Variants in MACF1 observed in about 807,000 individuals in gnomAD.
The protein encoded by MACF1 is microtubule-actin cross-linking factor 1.
In MACF1, 193 loss-of-function variants were observed where a neutral mutation model predicts 854.8. The ratio of observed to expected loss-of-function variants is 0.23; its 90% CI spans 0.20 to 0.25. MACF1 has a LOEUF of 0.25. Ranked by LOEUF, MACF1 falls within the 10% of genes least tolerant of loss-of-function variation. MACF1 has a pLI of 1.00. For missense variants in MACF1, 7,722 were observed against 8,929.1 expected (o/e 0.86, Z 5.45); for synonymous variants, 3,185 against 3,226.7 (o/e 0.99, Z 0.44).
chr1:39,449,835 C>T (rs112440209), intron 84 of MACF1, among the ~76,000 whole-genome samples: 2 of 151,542 alleles, frequency 1.3e-5, no homozygotes, highest in East Asian at 3.9e-4. Flanking sequence ...AGACTATAGG[C>T]ATGTGCCACC....
intron 79 of MACF1, among the ~76,000 whole-genome samples, 171 bp from the exon 80 acceptor site, chr1:39,444,491 G>C (rs1284255129): frequency 6.6e-6 from 1 of 152,108 alleles, no homozygotes; most frequent in Non-Finnish European, 1.5e-5. Flanking sequence ...TTATTATTAA[G>C]TATGGTGGGT....
rs763236417 is a variant in MACF1 at position 39,428,013 on chromosome 1, A to G, written c.16529A>G (p.Lys5510Arg). The change falls in exon 63 of 101, where the codon AAA becomes AGA. Residue 5510 changes from lysine to arginine, a missense_variant. Around this residue, in one of 15 missense-constraint regions of MACF1, gnomAD observed 2,807 missense variants for 3,235.8 expected, o/e 0.87. Coordinates refer to ENST00000564288, the MANE Select transcript of MACF1 (RefSeq NM_001394062.1). Reference sequence around the variant, plus strand: ...GCAACAGATGTGCACCAGGCAGTCAAAATTGGGCAGTCCCTCTCCTCCCTG... The same window carrying G: ...GCAACAGATGTGCACCAGGCAGTCAGAATTGGGCAGTCCCTCTCCTCCCTG... ...NHATDVHQAVKIGQSLSSLTS... is the reference protein window; with the variant it reads ...NHATDVHQAVRIGQSLSSLTS... 1.9e-6 allele frequency: 3 copies of G among 1,614,222 alleles called. No homozygotes were observed. In the South Asian group the frequency reaches 3.3e-5, roughly 18 times the overall value.
intron 58 of MACF1, chr1:39,414,313 C>T (rs776643145): frequency 1.2e-6 from 2 of 1,614,034 alleles, no homozygotes; most frequent in East Asian, 2.2e-5. Flanking sequence ...TGACTCAGTG[C>T]CTATTTCAGA....
At position 39,357,731 on chromosome 1, in the gene MACF1, C is replaced by A; in HGVS notation, c.11781C>A (p.Val3927=). ...LKRQGSFSED[V]ISHKGDLRFV... is the part of the protein sequence containing the mutation. ...GGCAAGGAAGCTTCTCAGAGGATGT[C>A]ATTTCCCACAAAGGAGACTTGAGAT... is the stretch of plus-strand genomic sequence containing the variant. The change falls in exon 45 of 101, where the codon GTC becomes GTA. Residue 3927 remains valine (V), a synonymous_variant. Coordinates refer to ENST00000564288, the MANE Select transcript of MACF1 (RefSeq NM_001394062.1). 1 of 1,614,132 alleles carries A rather than the reference C, an allele frequency of 6.2e-7. No individual in the cohort carries two copies. The highest frequency in any genetic ancestry group is 2.2e-5 in the East Asian group (1 of 44,884).
chr1:39,111,486 C>A (rs1282508547), intron 2 of MACF1, among the ~76,000 whole-genome samples: 2 of 151,760 alleles, frequency 1.3e-5, no homozygotes, highest in East Asian at 1.9e-4. Flanking sequence ...AGGTTCATGC[C>A]ATTCTCCTGT....
intron 14 of MACF1, 151 bp downstream of exon 14, chr1:39,285,909 A>G (rs1456881202): frequency 9.8e-6 from 8 of 815,306 alleles, no homozygotes; most frequent in Middle Eastern, 3.8e-4. Flanking sequence ...CTTGGGCAGG[A>G]ATGTTTTGTC....
intron 2 of MACF1, among the ~76,000 whole-genome samples, chr1:39,170,616 A>G (rs1010236981): frequency 6.6e-6 from 1 of 152,276 alleles, no homozygotes; most frequent in Non-Finnish European, 1.5e-5. Context: ...AACGACTATT[A>G]TAGGAAAAAG....
chr1:39,140,740 C>A (rs1332131061), intron 2 of MACF1, among the ~76,000 whole-genome samples: 1 of 151,900 alleles, frequency 6.6e-6, no homozygotes, highest in Non-Finnish European at 1.5e-5. Flanking sequence ...CATGGTGAAA[C>A]CCCGTCTCTA....
intron 2 of MACF1, among the ~76,000 whole-genome samples, chr1:39,163,356 A>AAAAAG (rs1348176407): frequency 6.6e-6 from 1 of 150,548 alleles, no homozygotes; most frequent in Non-Finnish European, 1.5e-5. Flanking sequence ...AAAAAAAAAA[A>AAAAAG]AAAAGAAAAG....
rs1646787713 is a variant in MACF1, at chr1:39,335,051, T to A, written c.8463T>A (p.Ser2821=). The A allele has an allele frequency of 6.2e-7, 1 of 1,614,048 alleles. No individual in the cohort carries two copies. The highest frequency in any genetic ancestry group is 8.5e-7 in the Non-Finnish European group (1 of 1,179,990). The part of the protein sequence containing the change: ...SERLFQVENQ[S]AQEKVKVRVS... ...GATTATTTCAAGTTGAAAATCAGTC[T>A]GCACAAGAAAAGGTTAAAGTGAGAG... The change falls in exon 37 of 101, where the codon TCT becomes TCA. Residue 2821 remains serine, a synonymous_variant. Coordinates refer to ENST00000564288, the MANE Select transcript of MACF1 (RefSeq NM_001394062.1).
intron 58 of MACF1, chr1:39,411,547 C>T: frequency 6.2e-7 from 1 of 1,613,784 alleles, no homozygotes. Flanking sequence ...TGAGGATATT[C>T]TCGGTGAGGT....
At chr1:39,261,848 A>C (rs1406852663) in intron 6 of MACF1, among the ~76,000 whole-genome samples, 1 of 152,194 alleles carries the variant, frequency 6.6e-6, no homozygotes, top group African/African-American at 2.4e-5. Context: ...ATTGTACAGT[A>C]AGCATGTTTA....
chr1:39,327,352 A>C lies in MACF1; in HGVS notation c.4613A>C (p.Lys1538Thr). ...QSQLAHQTEQ[K>T]ECRAVAGVID... ...CAGTTGGCTCACCAGACAGAACAAAAGGTACTTTTAGTTTTCATCTCCAAA... is the reference window on the plus strand; with the variant it reads ...CAGTTGGCTCACCAGACAGAACAAACGGTACTTTTAGTTTTCATCTCCAAA... Residue 1538 changes from lysine to threonine, a missense_variant and splice_region_variant, in exon 36 of 101, where the codon AAG becomes ACG. Physicochemically the swap from Lys to Thr is moderately conservative, Grantham distance 78. Around this residue, in one of 15 missense-constraint regions of MACF1, gnomAD observed 1,531 missense variants for 1,601.6 expected, o/e 0.96. Transcript: ENST00000564288. 6.3e-7 allele frequency: 1 copy of C among 1,585,268 alleles called. No homozygotes were observed. The highest frequency in any genetic ancestry group is 8.6e-7 in the Non-Finnish European group (1 of 1,158,302).
At chr1:39,095,473 G>A (rs1275841126) in intron 2 of MACF1, among the ~76,000 whole-genome samples, 5 of 145,394 alleles carry the variant, frequency 3.4e-5, no homozygotes, top group African/African-American at 1.3e-4. Flanking sequence ...TGAGGCAGGA[G>A]AATCATTTGA....
At chr1:39,286,792 T>A (rs2148388928) in intron 14 of MACF1, among the ~76,000 whole-genome samples, 1 of 152,252 alleles carries the variant, frequency 6.6e-6, no homozygotes, top group Admixed American at 6.5e-5. Flanking sequence ...GTTTATTATA[T>A]TTGGGAGTTA....
At chr1:39,481,149 G>A in intron 99 of MACF1, 119 bp downstream of exon 99, 2 of 617,156 alleles carry the variant, frequency 3.2e-6, no homozygotes, top group Non-Finnish European at 2.8e-6. Context: ...GGTGCTTGCT[G>A]TCACAGCTGA....
At chr1:39,140,701 G>T (rs941242491) in intron 2 of MACF1, among the ~76,000 whole-genome samples, 4 of 152,182 alleles carry the variant, frequency 2.6e-5, no homozygotes, top group African/African-American at 9.6e-5. Flanking sequence ...CGGATCACGA[G>T]GTCAGGAGAT....
At chr1:39,186,192 CTCTCTCTCTCTCTCTCTCTCTCTG>C (rs1437734233) in intron 2 of MACF1, among the ~76,000 whole-genome samples, 3 of 126,386 alleles carry the variant, frequency 2.4e-5, no homozygotes, top group African/African-American at 9.6e-5. Context: ...CTCTCTCTCT[CTCTCTCTCTCTCTCTCTCTCTCTG>C]TGTGTGTGTG....
Position 39,084,560 on chromosome 1 carries a change from C to A in MACF1, c.220+122C>A. 1 of 770,488 alleles carries A rather than the reference C, an allele frequency of 1.3e-6. No individual in the cohort carries two copies. The highest frequency in any genetic ancestry group is 2.1e-6 in the Non-Finnish European group (1 of 485,724). 47.7% of individuals were successfully genotyped at this position (770,488 alleles called of 1,614,324 possible). ...GGGCCTCTGACAAAGCAGCCATCAT[C>A]TGATTTGTTATTATTATTCTTGGAA... On this transcript the variant is annotated intron_variant, in intron 2 of 93. Coordinates refer to the MACF1 transcript ENST00000361689. This position sits in a 1 kb window ranked among gnomAD's most constrained non-coding sequence, Gnocchi z 5.2.
Sources: allele counts gnomAD v4.1 joint callset (sites outside exome capture counted in the v4.1 genomes callset), GRCh38; gene constraint gnomAD v4.1.1; regional missense constraint gnomAD v4.1.1; non-coding constraint Gnocchi (gnomAD v3.1); transcripts MANE v1.5; gene names NCBI Gene and HGNC (gene_info 2026-07-23, HGNC 2026-07-21).